The following TMEM237 variants were observed in gnomAD, a reference collection of about 807,000 sequenced individuals.
TMEM237 encodes amyotrophic lateral sclerosis 2 (juvenile) chromosome region, candidate 4.
A neutral mutation model predicts 59.1 loss-of-function variants in TMEM237; 51 were observed. The observed-to-expected ratio is 0.86, with a 90% CI of 0.69 to 1.09. TMEM237 has a LOEUF of 1.09. Ranked by LOEUF, TMEM237 falls within the 50% of genes least tolerant of loss-of-function variation. TMEM237 has a pLI of 0.00. For synonymous variants in TMEM237, 140 were observed against 166.1 expected, an observed-to-expected ratio of 0.84 and a Z score of 1.21; for missense variants, 475 against 478.3, an observed-to-expected ratio of 0.99 and a Z score of 0.06.
rs60167652 is a variant in TMEM237, at chr2:201,637,744, CAAAAAAAAA to C, written c.137-868_137-860del. On this transcript the variant is annotated intron_variant, in intron 4 of 12. Transcript: ENST00000409883. ...TGGGCAACAGAGCAAGACTCCGTCT[CAAAAAAAAA>C]AAAAAAAAATAGAAATGTATCAATA... Among the ~76,000 whole-genome samples, 480 of 63,404 alleles carry C rather than the reference CAAAAAAAAA, an allele frequency of 7.6e-3. 5 individuals are homozygous for C. The highest frequency in any genetic ancestry group is 0.018 in the Middle Eastern group (2 of 110). 41.6% of individuals were successfully genotyped at this position (63,404 alleles called of 152,430 possible). A position where few individuals can be genotyped will look rare whatever the true frequency, so the allele number is the denominator to read the frequency against.
At position 201,636,743 on chromosome 2, in the gene TMEM237, C is replaced by G; in HGVS notation, c.274+5G>C. ...TCACAACTTAACCTTGGTTTCTTCA[C>G]ATACCAAGAGGTAGCCTTGTCTTTT... is the stretch of plus-strand genomic sequence containing the variant. On this transcript the variant is annotated splice_donor_5th_base_variant and intron_variant, in intron 5 of 12. Coordinates refer to ENST00000409883, the MANE Select transcript of TMEM237 (RefSeq NM_001044385.3). 6.4e-7 allele frequency: 1 copy of G among 1,566,984 alleles called. No individual in the cohort carries two copies. Among genetic ancestry groups the G allele is most frequent in the East Asian group, 2.3e-5 (1 of 43,392 alleles).
chr2:201,642,404 A>T (rs1264616367), intron 1 of TMEM237, among the ~76,000 whole-genome samples: 1 of 152,178 alleles, frequency 6.6e-6, no homozygotes, highest in Non-Finnish European at 1.5e-5. Flanking sequence ...GAGAAGAATG[A>T]CAGTCACAGG....
chr2:201,630,335 T>C (rs974437887), intron 7 of TMEM237, among the ~76,000 whole-genome samples: 10 of 152,170 alleles, frequency 6.6e-5, no homozygotes, highest in African/African-American at 1.2e-4. Context: ...AGGAAAGAAA[T>C]AGGCTGCTTC....
Position 201,643,278 on chromosome 2 carries a change from C to T in TMEM237, c.42+81G>A. 1.5e-6 allele frequency: 2 copies of T among 1,302,780 alleles called. No homozygotes were observed. The highest frequency in any genetic ancestry group is 2.0e-5 in the Admixed American group (1 of 49,208). The allele number at this position is 1,302,780 out of a possible 1,614,324, so 80.7% of individuals were successfully genotyped here. ...AGTGATTCCCAGCTCGTTGGCGCCC[C>T]CCCACACACACCCACCCCCACTGCC... is the stretch of plus-strand genomic sequence containing the variant. On this transcript the variant is annotated intron_variant, in intron 1 of 12. Coordinates refer to ENST00000409883, the MANE Select transcript of TMEM237 (RefSeq NM_001044385.3). This position sits in a 1 kb window ranked among gnomAD's most constrained non-coding sequence, Gnocchi z 4.3.
rs1434982689 is a variant in TMEM237 at position 201,633,898 on chromosome 2, T to C, written c.275-467A>G. 2.0e-5 allele frequency among the ~76,000 whole-genome samples: 3 copies of C among 152,290 alleles called. 1 individual carries two copies. In the East Asian group the frequency reaches 5.8e-4, roughly 29 times the overall value. ...ATGTACTAACATTACTGGAGAGTAATGAGTTGTGACAACACATGTGACACA... is the reference window on the plus strand; with the variant it reads ...ATGTACTAACATTACTGGAGAGTAACGAGTTGTGACAACACATGTGACACA... On this transcript the variant is annotated intron_variant, in intron 5 of 12. Transcript: ENST00000409883.
rs138184841 is a variant in TMEM237 at position 201,642,124 on chromosome 2, T to C, written c.43-1200A>G. ...CCTTCTAAACCCTCATTTACATGAA[T>C]AAGAAAAGTGTTTGTAGTTCAGACA... On this transcript the variant is annotated intron_variant, in intron 1 of 12. Coordinates refer to ENST00000409883, the MANE Select transcript of TMEM237 (RefSeq NM_001044385.3). Among the ~76,000 whole-genome samples, 41 of 152,296 alleles carry C rather than the reference T, an allele frequency of 2.7e-4. No individual in the cohort carries two copies. The East Asian group carries it at 5.8e-3, about 21-fold the overall frequency.
rs1957730715 is a variant in TMEM237, at chr2:201,623,628, A to G, written c.*627T>C. ...TGATGTACAACCAGATATGAGAACCACTAGTACAGATTATAATGAGAAGCA... is the reference window on the plus strand; with the variant it reads ...TGATGTACAACCAGATATGAGAACCGCTAGTACAGATTATAATGAGAAGCA... On this transcript the variant is annotated 3_prime_UTR_variant, in exon 13 of 13. Transcript: ENST00000409883. The G allele has an allele frequency of 6.6e-6, 1 of 152,584 alleles. No homozygotes were observed. The highest frequency in any genetic ancestry group is 1.5e-5 in the Non-Finnish European group (1 of 68,344). The allele number at this position is 152,584 out of a possible 1,614,324, so 9.5% of individuals were successfully genotyped here.
rs376437306 is a variant in TMEM237, at chr2:201,626,836, A to C, written c.1037+485T>G. ...GTGGCTCATGCCTATAATCCCAACAATATGGGAGGCCAAGGCGGGTGGATC... is the reference window on the plus strand; with the variant it reads ...GTGGCTCATGCCTATAATCCCAACACTATGGGAGGCCAAGGCGGGTGGATC... On this transcript the variant is annotated intron_variant, in intron 11 of 12. Coordinates refer to ENST00000409883, the MANE Select transcript of TMEM237 (RefSeq NM_001044385.3). 1.9e-3 allele frequency among the ~76,000 whole-genome samples: 293 copies of C among 152,314 alleles called. 1 individual carries two copies. The highest frequency in any genetic ancestry group is 6.5e-3 in the African/African-American group (271 of 41,570).
In TMEM237 at chr2:201,626,030, A is replaced by C; in HGVS notation, c.1155T>G (p.Ser385Arg). 6.3e-7 allele frequency: 1 copy of C among 1,580,352 alleles called. No individual in the cohort carries two copies. The highest frequency in any genetic ancestry group is 8.6e-7 in the Non-Finnish European group (1 of 1,162,066). ...FLSYRPGMDL[S>R]EELMFSSEVE... ...GCTATTTTTTTTCTTTAATACCTTC[A>C]CTAAGATCCATGCCTGGCCTATAAG... Residue 385 changes from serine to arginine, a missense_variant, in exon 12 of 13, where the codon AGT becomes AGG. Physicochemically the swap from Ser to Arg is moderately radical, Grantham distance 110. Transcript: ENST00000409883.
chr2:201,643,274 G>GGCCCCCCCCCCCCCC lies in TMEM237; in HGVS notation c.42+84_42+85insGGGGGGGGGGGGGGC. 6 of 1,206,752 alleles carry GGCCCCCCCCCCCCCC rather than the reference G, an allele frequency of 5.0e-6. No individual in the cohort carries two copies. The highest frequency in any genetic ancestry group is 5.9e-6 in the Non-Finnish European group (5 of 849,314). The allele number at this position is 1,206,752 out of a possible 1,614,324, so 74.8% of individuals were successfully genotyped here. Reference sequence around the variant, plus strand: ...CCTTAGTGATTCCCAGCTCGTTGGCGCCCCCCCACACACACCCACCCCCAC... The same window carrying GGCCCCCCCCCCCCCC: ...CCTTAGTGATTCCCAGCTCGTTGGCGGCCCCCCCCCCCCCCCCCCCCCACACACACCCACCCCCAC... On this transcript the variant is annotated intron_variant, in intron 1 of 12. Transcript: ENST00000409883. This position sits in a 1 kb window ranked among gnomAD's most constrained non-coding sequence, Gnocchi z 4.3.
intron 4 of TMEM237, among the ~76,000 whole-genome samples, chr2:201,637,542 G>A (rs1050105242): frequency 5.3e-5 from 8 of 152,156 alleles, no homozygotes; most frequent in Non-Finnish European, 8.8e-5. Flanking sequence ...TCAAGAGTTC[G>A]AAACCAGCCT....
At position 201,642,818 on chromosome 2, in the gene TMEM237, C is replaced by A. The variant is rs944031886; in HGVS notation, c.42+541G>T. The A allele has an allele frequency of 9.6e-6, 13 of 1,354,490 alleles. No homozygotes were observed. In the African/African-American group the frequency reaches 1.9e-4, roughly 19 times the overall value. 83.9% of individuals were successfully genotyped at this position (1,354,490 alleles called of 1,614,324 possible). A position where few individuals can be genotyped will look rare whatever the true frequency, so the allele number is the denominator to read the frequency against. ...ACCTGGATTGGCCAGTCCAGACTAG[C>A]CCTGCCAAAAAGGGGGCCTCGGAGT... On this transcript the variant is annotated intron_variant, in intron 1 of 12. Transcript: ENST00000409883.
At position 201,643,375 on chromosome 2, in the gene TMEM237, A is replaced by T. The variant is rs2105906100; in HGVS notation, c.26T>A (p.Leu9Gln). The T allele has an allele frequency of 6.5e-7, 1 of 1,541,322 alleles. No homozygotes were observed. Among genetic ancestry groups the T allele is most frequent in the Non-Finnish European group, 8.7e-7 (1 of 1,143,812 alleles). MRTDSGAR[L>Q]EEGHLRPPRA... ...GCCGCTCACCAGGTGGCCCTCCTCC[A>T]GCCGAGCCCCCGAGTCAGTCCTCAT... Residue 9 changes from leucine to glutamine, a missense_variant, in exon 1 of 13, where the codon CTG becomes CAG. Physicochemically the swap from Leu to Gln is moderately radical, Grantham distance 113. Coordinates refer to ENST00000409883, the MANE Select transcript of TMEM237 (RefSeq NM_001044385.3). This position sits in a 1 kb window ranked among gnomAD's most constrained non-coding sequence, Gnocchi z 4.3.
At chr2:201,625,317 G>A (rs1049291611) in intron 12 of TMEM237, among the ~76,000 whole-genome samples, 1 of 151,660 alleles carries the variant, frequency 6.6e-6, no homozygotes, top group African/African-American at 2.4e-5. Flanking sequence ...AGCCCAGATC[G>A]AGCCACTGTA....
rs1156682718 is a variant in TMEM237, at chr2:201,623,233, T to G, written c.*1022A>C. Reference sequence around the variant, plus strand: ...AGGGCAGGCTCAATAGTTTTATTGATGTGCTCAACAGCCTTTGAAACATTT... The same window carrying G: ...AGGGCAGGCTCAATAGTTTTATTGAGGTGCTCAACAGCCTTTGAAACATTT... On this transcript the variant is annotated 3_prime_UTR_variant, in exon 13 of 13. Coordinates refer to ENST00000409883, the MANE Select transcript of TMEM237 (RefSeq NM_001044385.3). 2.3e-6 allele frequency: 1 copy of G among 440,884 alleles called. No individual in the cohort carries two copies. The highest frequency in any genetic ancestry group is 2.0e-5 in the African/African-American group (1 of 49,732). The allele number at this position is 440,884 out of a possible 1,614,324, so 27.3% of individuals were successfully genotyped here.
In TMEM237 at chr2:201,643,344, C is replaced by T. The variant is rs1461749315; in HGVS notation, c.42+15G>A. ...CCCGCCACCTCTCGAGGCCGACGCG[C>T]CCCTCGCCGCTCACCAGGTGGCCCT... On this transcript the variant is annotated intron_variant, in intron 1 of 12. Transcript: ENST00000409883. This position sits in a 1 kb window ranked among gnomAD's most constrained non-coding sequence, Gnocchi z 4.3. The T allele has an allele frequency of 5.8e-6, 9 of 1,546,954 alleles. No individual in the cohort carries two copies. In the East Asian group the frequency reaches 2.2e-4, roughly 38 times the overall value.
chr2:201,626,366 A>C, intron 11 of TMEM237: 2 of 362,444 alleles, frequency 5.5e-6, no homozygotes, highest in South Asian at 7.4e-5. Context: ...TGCTGTATAC[A>C]TTCATATAAA....
chr2:201,642,964 CTTAA>C (rs2105905723), intron 1 of TMEM237: 2 of 1,312,408 alleles, frequency 1.5e-6, no homozygotes, highest in African/African-American at 1.6e-5. Context: ...GACGGAAGAC[CTTAA>C]TTAAAGGACT....
In TMEM237 at chr2:201,635,887, C is replaced by T. The variant is rs1173442930; in HGVS notation, c.274+861G>A. Among the ~76,000 whole-genome samples, 2 of 152,070 alleles carry T rather than the reference C, an allele frequency of 1.3e-5. No homozygotes were observed. The highest frequency in any genetic ancestry group is 4.8e-5 in the African/African-American group (2 of 41,410). On this transcript the variant is annotated intron_variant, in intron 5 of 12. Coordinates refer to ENST00000409883, the MANE Select transcript of TMEM237 (RefSeq NM_001044385.3). The surrounding 1 kb of genome is among the most constrained non-coding windows in gnomAD (Gnocchi z 4.5). ...CACCTAAGAACTATGAAAAAATAAACTGTTGTTTGAAGTCACACAGTTTGT... is the reference window on the plus strand; with the variant it reads ...CACCTAAGAACTATGAAAAAATAAATTGTTGTTTGAAGTCACACAGTTTGT...
Sources: allele counts gnomAD v4.1 joint callset (sites outside exome capture counted in the v4.1 genomes callset), GRCh38; gene constraint gnomAD v4.1.1; non-coding constraint Gnocchi (gnomAD v3.1); transcripts MANE v1.5; gene names NCBI Gene and HGNC (gene_info 2026-07-23, HGNC 2026-07-21).